PCSK5: variants seen among roughly 807,000 people sequenced by gnomAD.
PCSK5 encodes the protein prohormone convertase 5.
PCSK5 carries 129 observed loss-of-function variants against 233.2 expected under a neutral mutation model. That is an observed-to-expected ratio of 0.55 (90% CI 0.48 to 0.64). The LOEUF (loss-of-function observed/expected upper bound fraction) is 0.64. Among genes scored for constraint, PCSK5 ranks in the 30% least tolerant of loss-of-function variants. PCSK5 has a pLI of 0.00. For synonymous variants in PCSK5, 825 were observed against 879.2 expected, an observed-to-expected ratio of 0.94 and a Z score of 1.09; for missense variants, 2,076 against 2,430.1, an observed-to-expected ratio of 0.85 and a Z score of 3.06.
At chr9:76,199,132 C>T (rs1423424695) in intron 20 of PCSK5, among the ~76,000 whole-genome samples, 2 of 152,158 alleles carry the variant, frequency 1.3e-5, no homozygotes, top group African/African-American at 4.8e-5. Flanking sequence ...AGAAACGCAT[C>T]CTTAGGTGAT....
At chr9:76,296,500 G>GA in intron 26 of PCSK5, among the ~76,000 whole-genome samples, 165 bp from the exon 27 acceptor site, 1 of 152,080 alleles carries the variant, frequency 6.6e-6, no homozygotes, top group Non-Finnish European at 1.5e-5. Flanking sequence ...CCGAGATCAT[G>GA]CCACTGCACT....
At chr9:76,088,214 G>A (rs960400529) in intron 7 of PCSK5, among the ~76,000 whole-genome samples, 5 of 152,196 alleles carry the variant, frequency 3.3e-5, no homozygotes, top group African/African-American at 1.2e-4. Flanking sequence ...TGGGCTGCTG[G>A]AAGTGCTGGA....
intron 27 of PCSK5, among the ~76,000 whole-genome samples, chr9:76,298,654 A>AC (rs1202927943): frequency 6.6e-6 from 1 of 151,706 alleles, no homozygotes; most frequent in Non-Finnish European, 1.5e-5. Context: ...TTTGCTTAAA[A>AC]AAAACAGGAT....
chr9:76,233,575 C>G lies in PCSK5; in HGVS notation c.2845C>G (p.His949Asp). The change falls in exon 22 of 38, where the codon CAC (histidine) becomes GAC (aspartate). Residue 949 changes from histidine to aspartate, a missense_variant. His to Asp is a moderately conservative substitution (Grantham distance 81). Transcript: ENST00000674117. The stretch of plus-strand genomic sequence containing the variant: ...GAGATGCCAAGGAAGTGGCCCTACC[C>G]ACTGCACCTCCTGTGGAGCAGGTGA... ...CQRCQGSGPT[H>D]CTSCGADNYG... 4 of 1,611,084 alleles carry G rather than the reference C, an allele frequency of 2.5e-6. No individual in the cohort carries two copies. The highest frequency in any genetic ancestry group is 3.4e-6 in the Non-Finnish European group (4 of 1,179,766).
chr9:76,252,301 A>G (rs568075663), intron 24 of PCSK5, among the ~76,000 whole-genome samples: 4 of 152,292 alleles, frequency 2.6e-5, no homozygotes, highest in South Asian at 4.1e-4. Context: ...TAATAAAAAT[A>G]AGATAAAGAA....
In PCSK5 at chr9:76,296,684, A is replaced by C; in HGVS notation, c.3342A>C (p.Lys1114Asn). 1 of 1,611,866 alleles carries C rather than the reference A, an allele frequency of 6.2e-7. No homozygotes were observed. Among genetic ancestry groups the C allele is most frequent in the South Asian group, 1.1e-5 (1 of 91,050 alleles). The change falls in exon 27 of 38, where the codon AAA (lysine) becomes AAC (asparagine). Residue 1114 changes from lysine (K) to asparagine (N), a missense_variant. Lys to Asn is a moderately conservative substitution (Grantham distance 94, BLOSUM62 0). Coordinates refer to ENST00000674117, the MANE Select transcript of PCSK5 (RefSeq NM_001372043.1). ...FFLLGGSCVR[K>N]CGPGFYGDQE... Reference sequence around the variant, plus strand: ...ACATAGGTGGCAGTTGTGTGAGGAAATGTGGTCCTGGATTCTATGGTGACC... The same window carrying C: ...ACATAGGTGGCAGTTGTGTGAGGAACTGTGGTCCTGGATTCTATGGTGACC...
chr9:76,101,849 G>A (rs1208149766), intron 8 of PCSK5, among the ~76,000 whole-genome samples: 1 of 152,074 alleles, frequency 6.6e-6, no homozygotes, highest in East Asian at 1.9e-4. Flanking sequence ...GAAATATTCT[G>A]CTCCTCTTCT....
chr9:76,058,439 G>C (rs759799806), intron 5 of PCSK5, among the ~76,000 whole-genome samples: 2 of 152,094 alleles, frequency 1.3e-5, no homozygotes, highest in Non-Finnish European at 2.9e-5. Context: ...TCTCAACCTG[G>C]GTAATAGATG....
At chr9:76,254,463 A>G (rs917971469) in intron 24 of PCSK5, among the ~76,000 whole-genome samples, 2 of 151,820 alleles carry the variant, frequency 1.3e-5, no homozygotes, top group Non-Finnish European at 2.9e-5. Context: ...CTTTTGAAGA[A>G]GTCACTATTT....
At chr9:76,274,468 CTA>C (rs2131377728) in intron 24 of PCSK5, among the ~76,000 whole-genome samples, 1 of 151,994 alleles carries the variant, frequency 6.6e-6, no homozygotes, top group Admixed American at 6.6e-5. Context: ...CTTATGTGGT[CTA>C]TGTTTTTAAA....
intron 1 of PCSK5, among the ~76,000 whole-genome samples, chr9:75,898,653 T>C (rs1470875105): frequency 8.3e-6 from 1 of 120,804 alleles, no homozygotes; most frequent in Admixed American, 8.3e-5. Context: ...AGAAAAGAGA[T>C]GTGGGATAAG....
chr9:75,896,765 G>T (rs1825825612), intron 1 of PCSK5, among the ~76,000 whole-genome samples: 1 of 152,064 alleles, frequency 6.6e-6, no homozygotes, highest in South Asian at 2.1e-4. Context: ...ATGTATGTGT[G>T]TAATATATGT....
intron 20 of PCSK5, among the ~76,000 whole-genome samples, chr9:76,207,551 T>A (rs1587759322): frequency 6.6e-6 from 1 of 152,328 alleles, no homozygotes; most frequent in East Asian, 1.9e-4. Context: ...GCATAGGGAA[T>A]ATAATATAAG....
At chr9:76,325,762 C>T (rs73464599) in intron 32 of PCSK5, among the ~76,000 whole-genome samples, 36,876 of 152,034 alleles carry the variant, frequency 0.24, 4,771 homozygotes, top group African/African-American at 0.31. Flanking sequence ...TTCAGCTTCC[C>T]GAGTGACTGG....
At chr9:76,199,701 C>T (rs779293503) in intron 20 of PCSK5, among the ~76,000 whole-genome samples, 3 of 151,898 alleles carry the variant, frequency 2.0e-5, no homozygotes, top group Non-Finnish European at 2.9e-5. Context: ...CTTCCCTGTG[C>T]CTTCTACACT....
At chr9:75,944,468 A>G (rs568617550) in intron 2 of PCSK5, among the ~76,000 whole-genome samples, 2 of 152,250 alleles carry the variant, frequency 1.3e-5, no homozygotes, top group South Asian at 4.1e-4. Flanking sequence ...TTCAAAGCTA[A>G]TGGATATATT....
chr9:76,019,936 T>G (rs907216566), intron 3 of PCSK5, among the ~76,000 whole-genome samples: 1 of 152,234 alleles, frequency 6.6e-6, no homozygotes, highest in African/African-American at 2.4e-5. Flanking sequence ...TGAAGTACAG[T>G]GCATTATTCA....
chr9:76,275,027 C>A (rs777896149), intron 24 of PCSK5, among the ~76,000 whole-genome samples: 7 of 152,084 alleles, frequency 4.6e-5, no homozygotes, highest in Non-Finnish European at 8.8e-5. Context: ...ACAGCACCAC[C>A]CCATGCATGA....
chr9:76,261,158 C>T (rs150994786), intron 24 of PCSK5, among the ~76,000 whole-genome samples: 46 of 152,296 alleles, frequency 3.0e-4, no homozygotes, highest in African/African-American at 1.1e-3. Flanking sequence ...TACAGATGGA[C>T]ACTGGGTGCT....
Sources: allele counts gnomAD v4.1 joint callset (sites outside exome capture counted in the v4.1 genomes callset), GRCh38; gene constraint gnomAD v4.1.1; transcripts MANE v1.5; gene names NCBI Gene and HGNC (gene_info 2026-07-23, HGNC 2026-07-21).